The following SNTG1 variants were observed in gnomAD, a reference collection of about 807,000 sequenced individuals.
The protein encoded by SNTG1 is gamma-1-syntrophin.
Under a neutral mutation model 74.7 loss-of-function variants are expected in SNTG1, and 39 were observed. The observed-to-expected ratio is 0.52, with a 90% CI of 0.40 to 0.68. The LOEUF is 0.68. Ranked by LOEUF, SNTG1 falls within the 30% of genes least tolerant of loss-of-function variation. SNTG1 has a pLI of 0.00. For synonymous variants in SNTG1, 254 were observed against 217.1 expected (o/e 1.17, Z -1.49); for missense variants, 685 against 609.5 (o/e 1.12, Z -1.30).
At chr8:50,772,170 C>A (rs1407578503) in intron 18 of SNTG1, among the ~76,000 whole-genome samples, 1 of 152,074 alleles carries the variant, frequency 6.6e-6, no homozygotes, top group Non-Finnish European at 1.5e-5. Context: ...CCATGTAATG[C>A]CCACCTAGGA....
In SNTG1 at chr8:50,291,115, G is replaced by T. The variant is rs75011383; in HGVS notation, c.-27-103097G>T. 5.0e-3 allele frequency among the ~76,000 whole-genome samples: 754 copies of T among 152,236 alleles called. 9 individuals carry two copies. Among genetic ancestry groups the T allele is most frequent in the African/African-American group, 0.017 (716 of 41,562 alleles). Reference sequence around the variant, plus strand: ...TTAAAGTAATAATCAGTGAGCATTTGCAGTGCAATCTTGTCGGCCTTGAAG... The same window carrying T: ...TTAAAGTAATAATCAGTGAGCATTTTCAGTGCAATCTTGTCGGCCTTGAAG... On this transcript the variant is annotated intron_variant, in intron 2 of 18. Coordinates refer to ENST00000642720, the MANE Select transcript of SNTG1 (RefSeq NM_018967.5).
intron 15 of SNTG1, among the ~76,000 whole-genome samples, chr8:50,669,485 A>G (rs1453714965): frequency 6.6e-6 from 1 of 152,192 alleles, no homozygotes; most frequent in African/African-American, 2.4e-5. Context: ...CCCAAGACTA[A>G]ACCAGGAAGA....
chr8:50,745,122 A>G (rs1488457398), intron 17 of SNTG1, among the ~76,000 whole-genome samples: 1 of 152,002 alleles, frequency 6.6e-6, no homozygotes. Flanking sequence ...TCACCCACAG[A>G]ATGGAAGAAT....
intron 2 of SNTG1, among the ~76,000 whole-genome samples, chr8:50,224,294 G>C (rs114623805): frequency 6.6e-6 from 1 of 152,150 alleles, no homozygotes; most frequent in African/African-American, 2.4e-5. Context: ...TACACACACA[G>C]ATTTTTCAAG....
intron 8 of SNTG1, among the ~76,000 whole-genome samples, chr8:50,482,736 T>C (rs547051304): frequency 6.6e-6 from 1 of 152,316 alleles, no homozygotes; most frequent in South Asian, 2.1e-4. Flanking sequence ...AATGCAATTA[T>C]GAAACATGAG....
At chr8:50,632,126 G>T (rs1396769794) in intron 13 of SNTG1, among the ~76,000 whole-genome samples, 1 of 151,854 alleles carries the variant, frequency 6.6e-6, no homozygotes, top group African/African-American at 2.4e-5. Flanking sequence ...AGTCACTAAA[G>T]GGCAAAACAG....
chr8:50,045,425 A>C (rs1341533840), intron 1 of SNTG1, among the ~76,000 whole-genome samples: 1 of 152,152 alleles, frequency 6.6e-6, no homozygotes, highest in Admixed American at 6.5e-5. Context: ...AATCTCATGA[A>C]GACTTAGACA....
intron 1 of SNTG1, among the ~76,000 whole-genome samples, chr8:49,973,668 A>G (rs1296219561): frequency 1.3e-5 from 2 of 152,220 alleles, no homozygotes; most frequent in East Asian, 1.9e-4. Context: ...AAAACACAGT[A>G]TATACTGAAG....
At chr8:50,512,324 C>G (rs1448471220) in intron 9 of SNTG1, among the ~76,000 whole-genome samples, 1 of 151,662 alleles carries the variant, frequency 6.6e-6, no homozygotes, top group Non-Finnish European at 1.5e-5. Context: ...GGTAACCCGA[C>G]CTTTCTCTCT....
chr8:50,099,332 T>C (rs1179276822), intron 1 of SNTG1, among the ~76,000 whole-genome samples: 6 of 152,124 alleles, frequency 3.9e-5, no homozygotes, highest in Admixed American at 3.9e-4. Flanking sequence ...CAGCCACACA[T>C]GGATACACAA....
At chr8:50,384,885 T>C (rs2092549739) in intron 2 of SNTG1, among the ~76,000 whole-genome samples, 1 of 152,174 alleles carries the variant, frequency 6.6e-6, no homozygotes, top group Non-Finnish European at 1.5e-5. Flanking sequence ...CCTAATTTTA[T>C]GGCTTGGTCT....
At chr8:50,772,640 TG>T (rs2095630023) in intron 18 of SNTG1, among the ~76,000 whole-genome samples, 4 of 152,072 alleles carry the variant, frequency 2.6e-5, no homozygotes, top group African/African-American at 9.7e-5. Flanking sequence ...ATGAGTTTTA[TG>T]GGGGCAGAGG....
chr8:50,692,173 A>AC (rs1441369784), intron 15 of SNTG1, among the ~76,000 whole-genome samples: 1 of 151,720 alleles, frequency 6.6e-6, no homozygotes, highest in African/African-American at 2.4e-5. Context: ...AAAGCTTTTA[A>AC]CTTCTTTGCC....
intron 1 of SNTG1, among the ~76,000 whole-genome samples, chr8:50,105,940 T>C (rs982509634): frequency 6.6e-6 from 1 of 152,084 alleles, no homozygotes; most frequent in Non-Finnish European, 1.5e-5. Context: ...GTAATTACTG[T>C]GGGGTTTTCT....
At chr8:50,146,613 A>G (rs925328204) in intron 1 of SNTG1, among the ~76,000 whole-genome samples, 1 of 152,202 alleles carries the variant, frequency 6.6e-6, no homozygotes, top group African/African-American at 2.4e-5. Context: ...CTTATCTAAA[A>G]AACTGCCAAA....
intron 13 of SNTG1, among the ~76,000 whole-genome samples, chr8:50,600,327 A>G (rs1352631445): frequency 6.6e-6 from 1 of 152,098 alleles, no homozygotes; most frequent in Non-Finnish European, 1.5e-5. Context: ...TAAGTTTGGA[A>G]GTATTCACTT....
chr8:50,788,163 A>G (rs1460156445), intron 18 of SNTG1, among the ~76,000 whole-genome samples: 1 of 152,090 alleles, frequency 6.6e-6, no homozygotes, highest in Non-Finnish European at 1.5e-5. Context: ...GTTTTTCTCT[A>G]ATGACTGCAA....
intron 2 of SNTG1, among the ~76,000 whole-genome samples, chr8:50,201,912 C>G (rs1047178219): frequency 2.0e-5 from 3 of 152,132 alleles, no homozygotes; most frequent in Admixed American, 1.3e-4. Flanking sequence ...TGGCTCCCAC[C>G]ATCAAACAGC....
intron 2 of SNTG1, among the ~76,000 whole-genome samples, chr8:50,340,605 G>T (rs556496482): frequency 6.6e-6 from 1 of 151,982 alleles, no homozygotes; most frequent in East Asian, 1.9e-4. Context: ...AACACAGAAT[G>T]ATCAGTTTTG....
Sources: gnomAD v4.1 joint callset for allele counts (sites outside exome capture counted in the v4.1 genomes callset) on GRCh38, gnomAD v4.1.1 for gene constraint, MANE v1.5 for transcripts, NCBI Gene and HGNC (gene_info 2026-07-23, HGNC 2026-07-21) for gene names.